Variants in NR2F1-AS1 observed in about 807,000 individuals in gnomAD.
NR2F1-AS1 encodes NR2F1 antisense RNA 1.
intron 2 of NR2F1-AS1, among the ~76,000 whole-genome samples, chr5:93,562,195 A>AAAAAAAAAAAAAAGAAAAGAAAAG (rs755007063): frequency 7.3e-6 from 1 of 136,660 alleles, no homozygotes; most frequent in Non-Finnish European, 1.5e-5. Flanking sequence ...AAAAAAAAAA[A>AAAAAAAAAAAAAAGAAAAGAAAAG]AAAAGAAAAG....
At chr5:93,447,098 C>G (rs554491403) in intron 4 of NR2F1-AS1, among the ~76,000 whole-genome samples, 2 of 152,232 alleles carry the variant, frequency 1.3e-5, no homozygotes, top group South Asian at 4.1e-4. Context: ...ACCATAAAAA[C>G]CCTAGAAGAA....
At chr5:93,454,965 AC>A in intron 4 of NR2F1-AS1, among the ~76,000 whole-genome samples, 1 of 152,136 alleles carries the variant, frequency 6.6e-6, no homozygotes, top group East Asian at 1.9e-4. Context: ...TAATAAATAT[AC>A]CCATTTACTG....
intron 4 of NR2F1-AS1, among the ~76,000 whole-genome samples, chr5:93,511,325 C>G (rs1387581461): frequency 6.6e-6 from 1 of 152,152 alleles, no homozygotes; most frequent in Non-Finnish European, 1.5e-5. Flanking sequence ...TGGGTCTTCT[C>G]CTGCTGCTGG....
intron 4 of NR2F1-AS1, among the ~76,000 whole-genome samples, chr5:93,508,971 A>T (rs1751241539): frequency 6.6e-6 from 1 of 152,262 alleles, no homozygotes; most frequent in South Asian, 2.1e-4. Context: ...GGCAAAGTTG[A>T]TAATGATTAC....
chr5:93,555,501 G>C (rs187542118), intron 2 of NR2F1-AS1, among the ~76,000 whole-genome samples: 1 of 152,140 alleles, frequency 6.6e-6, no homozygotes, highest in African/African-American at 2.4e-5. Flanking sequence ...GAAAGATAAC[G>C]GAGATGACTT....
At chr5:93,547,419 T>C (rs1311249707) in intron 4 of NR2F1-AS1, among the ~76,000 whole-genome samples, 8 of 152,314 alleles carry the variant, frequency 5.3e-5, no homozygotes, top group Middle Eastern at 3.4e-3. Flanking sequence ...TTAATGTCCA[T>C]GTCCCTTGAA....
chr5:93,552,203 G>C (rs1752245873), intron 4 of NR2F1-AS1, among the ~76,000 whole-genome samples: 1 of 152,134 alleles, frequency 6.6e-6, no homozygotes, highest in East Asian at 1.9e-4. Context: ...ATGAAATACA[G>C]GCTCTAGAAG....
At chr5:93,531,221 T>C (rs1751729512) in intron 4 of NR2F1-AS1, among the ~76,000 whole-genome samples, 1 of 152,154 alleles carries the variant, frequency 6.6e-6, no homozygotes, top group Non-Finnish European at 1.5e-5. Flanking sequence ...TTCCAGGAAG[T>C]TTTTTTCTTC....
intron 4 of NR2F1-AS1, among the ~76,000 whole-genome samples, chr5:93,447,665 C>T (rs1282753836): frequency 6.6e-6 from 1 of 152,132 alleles, no homozygotes; most frequent in African/African-American, 2.4e-5. Context: ...CAAGGATCTA[C>T]AACTAGATAT....
At chr5:93,545,941 G>A (rs541503681) in intron 4 of NR2F1-AS1, among the ~76,000 whole-genome samples, 3 of 152,282 alleles carry the variant, frequency 2.0e-5, no homozygotes, top group Non-Finnish European at 2.9e-5. Flanking sequence ...GCTATCCCAA[G>A]GGATCCAGGA....
intron 1 of NR2F1-AS1, among the ~76,000 whole-genome samples, chr5:93,574,061 G>A (rs1476638609): frequency 6.6e-6 from 1 of 152,204 alleles, no homozygotes; most frequent in Admixed American, 6.5e-5. Context: ...TCCATTGTCT[G>A]CAATTAGTCC....
chr5:93,561,470 T>C (rs1410716109), intron 2 of NR2F1-AS1, among the ~76,000 whole-genome samples: 2 of 152,136 alleles, frequency 1.3e-5, no homozygotes, highest in Non-Finnish European at 2.9e-5. Flanking sequence ...TAGGTATTTT[T>C]TTTTAATATT....
At chr5:93,481,315 T>C (rs1424401610) in intron 4 of NR2F1-AS1, among the ~76,000 whole-genome samples, 1 of 151,984 alleles carries the variant, frequency 6.6e-6, no homozygotes, top group Non-Finnish European at 1.5e-5. Flanking sequence ...TTCATCAATA[T>C]GATATAACAA....
At chr5:93,585,308 C>A (rs371999145), upstream of NR2F1-AS1, 1 of 1,611,532 alleles carries the variant, frequency 6.2e-7, no homozygotes, top group African/African-American at 1.3e-5. Context: ...AGTCGAGCGG[C>A]AAGCACTACG....
chr5:93,441,039 A>G (rs1384867190), intron 4 of NR2F1-AS1, among the ~76,000 whole-genome samples: 1 of 152,210 alleles, frequency 6.6e-6, no homozygotes, highest in Non-Finnish European at 1.5e-5. Context: ...TTACATTTTT[A>G]CTAAACCTAA....
At chr5:93,445,942 A>G (rs1418194553) in intron 4 of NR2F1-AS1, among the ~76,000 whole-genome samples, 2 of 152,230 alleles carry the variant, frequency 1.3e-5, no homozygotes, top group Non-Finnish European at 2.9e-5. Context: ...AGAACCAAAG[A>G]TAAAAACCAC....
rs1561445453 is a variant in NR2F1-AS1, at chr5:93,453,517, TATC to T, written n.639-57978_639-57976del. ...TAATAACATCATAACATAATAATAA[TATC>T]ATAACATCATACCAAACCACAACAT... On this transcript the variant is annotated intron_variant and non_coding_transcript_variant, in intron 4 of 5. Transcript: ENST00000660523. Among the ~76,000 whole-genome samples the T allele has an allele frequency of 2.6e-5, 4 of 151,946 alleles. No homozygotes were observed. In the East Asian group the frequency reaches 5.8e-4, roughly 22 times the overall value.
chr5:93,466,577 A>G (rs1048167167), intron 4 of NR2F1-AS1, among the ~76,000 whole-genome samples: 1 of 151,800 alleles, frequency 6.6e-6, no homozygotes, highest in African/African-American at 2.4e-5. Flanking sequence ...ACCTGAAGTG[A>G]CCCGCCCACC....
chr5:93,533,158 C>T (rs764278684), intron 4 of NR2F1-AS1, among the ~76,000 whole-genome samples: 4 of 152,160 alleles, frequency 2.6e-5, no homozygotes, highest in Non-Finnish European at 4.4e-5. Flanking sequence ...AAGGCTGATG[C>T]TTTGATCATT....
Sources: allele counts gnomAD v4.1 joint callset (sites outside exome capture counted in the v4.1 genomes callset), GRCh38; gene constraint gnomAD v4.1.1; transcripts MANE v1.5; gene names NCBI Gene and HGNC (gene_info 2026-07-23, HGNC 2026-07-21).